DISP3: variants seen among roughly 807,000 people sequenced by gnomAD.
DISP3 encodes dispatched RND transporter family member 3.
In DISP3, 101 loss-of-function variants were observed where a neutral mutation model predicts 135.3. The ratio of observed to expected loss-of-function variants is 0.75; its 90% CI spans 0.64 to 0.88. The LOEUF is 0.88. Among genes scored for constraint, DISP3 ranks in the 40% least tolerant of loss-of-function variants. The pLI is 0.00. For missense variants in DISP3, 1,713 were observed against 1,878.6 expected, an observed-to-expected ratio of 0.91 and a Z score of 1.63; for synonymous variants, 856 against 817.0, an observed-to-expected ratio of 1.05 and a Z score of -0.81.
chr1:11,516,029 C>T lies in DISP3; in HGVS notation c.1617C>T (p.Asn539=). ...IGVDDVFVFI[N]TYRQATHLED... ...TGGACGATGTCTTTGTGTTCATCAA[C>T]ACCTACCGCCAGGCCACCCACCTGG... The change falls in exon 6 of 21, where the codon AAC becomes AAT. Residue 539 remains asparagine, a synonymous_variant. Transcript: ENST00000294484. The surrounding 1 kb of genome is among the most constrained non-coding windows in gnomAD (Gnocchi z 5.1). 1 of 1,614,046 alleles carries T rather than the reference C, an allele frequency of 6.2e-7. No homozygotes were observed. The highest frequency in any genetic ancestry group is 2.2e-5 in the East Asian group (1 of 44,876).
At chr1:11,502,211 G>A (rs1219699389) in intron 2 of DISP3, 123 bp downstream of exon 2, 7 of 1,403,656 alleles carry the variant, frequency 5.0e-6, no homozygotes, top group Non-Finnish European at 5.6e-6. Context: ...CTGAGTCCTG[G>A]GCATGGCCGG....
At position 11,501,787 on chromosome 1, in the gene DISP3, C is replaced by A. The variant is rs1475464320; in HGVS notation, c.795C>A (p.Ala265=). 1 of 1,600,530 alleles carries A rather than the reference C, an allele frequency of 6.2e-7. No individual in the cohort carries two copies. The highest frequency in any genetic ancestry group is 1.1e-5 in the South Asian group (1 of 89,848). ...RWDYSRAYVS[A]NTQTHAHWRI... The stretch of plus-strand genomic sequence containing the variant: ...ACTACTCGCGCGCCTATGTGAGTGC[C>A]AACACTCAGACGCACGCGCACTGGC... Residue 265 remains alanine (A), a synonymous_variant, in exon 2 of 21, where the codon GCC becomes GCA. Coordinates refer to ENST00000294484, the MANE Select transcript of DISP3 (RefSeq NM_020780.2). This position sits in a 1 kb window ranked among gnomAD's most constrained non-coding sequence, Gnocchi z 4.9.
At position 11,533,253 on chromosome 1, in the gene DISP3, CTTTTTTTTT is replaced by C. The variant is rs70983563; in HGVS notation, c.3376-1114_3376-1106del. Among the ~76,000 whole-genome samples the C allele has an allele frequency of 6.3e-3, 658 of 103,986 alleles. 39 individuals carry two copies. The highest frequency in any genetic ancestry group is 0.059 in the Admixed American group (634 of 10,656). The allele number at this position is 103,986 out of a possible 152,430, so 68.2% of individuals were successfully genotyped here. A position where few individuals can be genotyped will look rare whatever the true frequency, so the allele number is the denominator to read the frequency against. On this transcript the variant is annotated intron_variant, in intron 17 of 20. Coordinates refer to ENST00000294484, the MANE Select transcript of DISP3 (RefSeq NM_020780.2). ...GGTGTTTGTCCTTTGGTGACTGTTT[CTTTTTTTTT>C]TTTTTTTTTTTTTAATGGAGTTTCA...
Position 11,536,176 on chromosome 1 carries a change from AC to A in DISP3, c.3817-145del, listed in dbSNP as rs1239296915. The A allele has an allele frequency of 5.6e-5, 66 of 1,174,380 alleles. No individual in the cohort carries two copies. The Middle Eastern group carries it at 1.5e-3, about 26-fold the overall frequency. The allele number at this position is 1,174,380 out of a possible 1,614,324, so 72.7% of individuals were successfully genotyped here. A position where few individuals can be genotyped will look rare whatever the true frequency, so the allele number is the denominator to read the frequency against. On this transcript the variant is annotated intron_variant, in intron 20 of 20. Coordinates refer to ENST00000294484, the MANE Select transcript of DISP3 (RefSeq NM_020780.2). This position sits in a 1 kb window ranked among gnomAD's most constrained non-coding sequence, Gnocchi z 4.3. ...CCATAGCAACACCTACCTGGTTCCT[AC>A]CCTCCCAACCCTGGGAGGCCACTTG...
chr1:11,534,462 G>T lies in DISP3; in HGVS notation c.3457G>T (p.Ala1153Ser). The T allele has an allele frequency of 6.2e-7, 1 of 1,614,182 alleles. No homozygotes were observed. The highest frequency in any genetic ancestry group is 8.5e-7 in the Non-Finnish European group (1 of 1,180,046). ...WESFLQQQLQALPEGSVLRRG... is the reference protein window; with the variant it reads ...WESFLQQQLQSLPEGSVLRRG... ...GAGCTTCCTCCAGCAGCAGCTGCAGGCCTTGCCCGAGGGCTCAGTCCTGCG... is the reference window on the plus strand; with the variant it reads ...GAGCTTCCTCCAGCAGCAGCTGCAGTCCTTGCCCGAGGGCTCAGTCCTGCG... Residue 1153 changes from alanine (A) to serine (S), a missense_variant, in exon 18 of 21, where the codon GCC (alanine) becomes TCC (serine). Coordinates refer to ENST00000294484, the MANE Select transcript of DISP3 (RefSeq NM_020780.2).
intron 10 of DISP3, among the ~76,000 whole-genome samples, chr1:11,522,750 A>G (rs370400815): frequency 0.23 from 5,340 of 23,594 alleles, 115 homozygotes; most frequent in South Asian, 0.26. Flanking sequence ...CCCAGCCAGG[A>G]CCCAGCCAGG....
chr1:11,493,459 T>C (rs1387917436), intron 1 of DISP3, among the ~76,000 whole-genome samples: 5 of 152,226 alleles, frequency 3.3e-5, no homozygotes, highest in Non-Finnish European at 5.9e-5. Context: ...GCTTGGTGGC[T>C]CACTCCTGTA....
At chr1:11,496,880 G>C (rs1449742288) in intron 1 of DISP3, among the ~76,000 whole-genome samples, 2 of 152,224 alleles carry the variant, frequency 1.3e-5, no homozygotes, top group Non-Finnish European at 2.9e-5. Context: ...GGGAGACAGA[G>C]CCCCAAGAAG....
At chr1:11,503,010 C>A in intron 3 of DISP3, 113 bp downstream of exon 3, 1 of 1,008,086 alleles carries the variant, frequency 9.9e-7, no homozygotes, top group Non-Finnish European at 1.4e-6. Flanking sequence ...GGAAGTCTTT[C>A]TTTCCAAATT....
At chr1:11,487,682 C>G (rs903934317) in intron 1 of DISP3, among the ~76,000 whole-genome samples, 3 of 152,168 alleles carry the variant, frequency 2.0e-5, no homozygotes, top group Admixed American at 6.5e-5. Flanking sequence ...CCCAGAACAC[C>G]CTTGGCTCAG....
At chr1:11,509,448 T>G (rs1641794448) in intron 3 of DISP3, among the ~76,000 whole-genome samples, 1 of 152,196 alleles carries the variant, frequency 6.6e-6, no homozygotes, top group Non-Finnish European at 1.5e-5. Flanking sequence ...ATATCCTTAC[T>G]GATTTTCTGT....
At position 11,499,652 on chromosome 1, in the gene DISP3, CCTTT is replaced by C. The variant is rs1291521308; in HGVS notation, c.-3-1335_-3-1332del. On this transcript the variant is annotated intron_variant, in intron 1 of 20. Transcript: ENST00000294484. The surrounding 1 kb of genome is among the most constrained non-coding windows in gnomAD (Gnocchi z 5.2). ...CTCCCCCACATCCTCAGTCATTCTT[CCTTT>C]CTGTTTCTTCTTTTGTTTCCCTATT... Among the ~76,000 whole-genome samples the C allele has an allele frequency of 3.3e-5, 5 of 152,126 alleles. No homozygotes were observed. Among genetic ancestry groups the C allele is most frequent in the Admixed American group, 6.5e-5 (1 of 15,276 alleles).
intron 11 of DISP3, among the ~76,000 whole-genome samples, chr1:11,524,649 C>A (rs1467179356): frequency 1.0e-4 from 14 of 135,198 alleles, no homozygotes; most frequent in African/African-American, 3.9e-4. Context: ...ATCCCTCCTA[C>A]CCCATCCCTG....
chr1:11,518,620 G>A (rs1433026926), intron 7 of DISP3, among the ~76,000 whole-genome samples: 4 of 152,184 alleles, frequency 2.6e-5, no homozygotes, highest in Non-Finnish European at 5.9e-5. Flanking sequence ...GGGCACAGTC[G>A]TCTTCCCAGT....
chr1:11,488,350 G>T (rs1191715429), intron 1 of DISP3, among the ~76,000 whole-genome samples: 1 of 152,136 alleles, frequency 6.6e-6, no homozygotes, highest in Non-Finnish European at 1.5e-5. Flanking sequence ...CCCACAGCAA[G>T]GGCCTCTGTG....
At chr1:11,526,187 T>C (rs1642412549) in intron 12 of DISP3, among the ~76,000 whole-genome samples, 2 of 152,236 alleles carry the variant, frequency 1.3e-5, no homozygotes, top group Non-Finnish European at 1.5e-5. Context: ...GAAAAGCTTT[T>C]CCTTCAGCTT....
At chr1:11,479,492 G>C (rs1463276024) in intron 1 of DISP3, 120 bp downstream of exon 1, 1 of 152,410 alleles carries the variant, frequency 6.6e-6, no homozygotes, top group East Asian at 1.9e-4. Flanking sequence ...CGCCGCGCGC[G>C]AAGTTCTCTC....
Position 11,536,339 on chromosome 1 carries a change from C to A in DISP3, c.3832C>A (p.Arg1278Ser). 6.2e-7 allele frequency: 1 copy of A among 1,601,878 alleles called. No homozygotes were observed. The highest frequency in any genetic ancestry group is 1.7e-5 in the Admixed American group (1 of 59,958). ...PHQAEDARTQ[R>S]QWRTLEAVRH... ...TTGCCCCCAGGACGCCCGAACGCAG[C>A]GCCAGTGGCGTACGCTGGAGGCCGT... is the stretch of plus-strand genomic sequence containing the variant. The change falls in exon 21 of 21, where the codon CGC becomes AGC. Residue 1278 changes from arginine (R) to serine (S), a missense_variant. By Grantham distance (110) the Arg-to-Ser change is moderately radical. This residue lies in a region of DISP3 where 1,142 missense variants were observed against 1,384.6 expected (regional missense o/e 0.82). Coordinates refer to ENST00000294484, the MANE Select transcript of DISP3 (RefSeq NM_020780.2). The surrounding 1 kb of genome is among the most constrained non-coding windows in gnomAD (Gnocchi z 4.3).
chr1:11,497,332 T>A (rs1184753207), intron 1 of DISP3, among the ~76,000 whole-genome samples: 1 of 152,154 alleles, frequency 6.6e-6, no homozygotes, highest in South Asian at 2.1e-4. Context: ...GCACCCTATT[T>A]GTAGTCTTTT....
Sources: gnomAD v4.1 joint callset for allele counts (sites outside exome capture counted in the v4.1 genomes callset) on GRCh38, gnomAD v4.1.1 for gene constraint, gnomAD v4.1.1 regional missense constraint, Gnocchi (gnomAD v3.1) non-coding constraint, MANE v1.5 for transcripts, NCBI Gene and HGNC (gene_info 2026-07-23, HGNC 2026-07-21) for gene names.